PRPSAP1: variants seen among roughly 807,000 people sequenced by gnomAD.
PRPSAP1 encodes the protein phosphoribosyl pyrophosphate synthetase associated protein 1.
A neutral mutation model predicts 39.4 loss-of-function variants in PRPSAP1; 31 were observed. The observed-to-expected ratio is 0.79, with a 90% CI of 0.59 to 1.06. The LOEUF (loss-of-function observed/expected upper bound fraction) is 1.06. Ranked by LOEUF, PRPSAP1 falls within the 50% of genes least tolerant of loss-of-function variation. PRPSAP1 has a pLI of 0.00. For synonymous variants in PRPSAP1, 212 were observed against 192.6 expected, an observed-to-expected ratio of 1.10 and a Z score of -0.83; for missense variants, 430 against 511.6, an observed-to-expected ratio of 0.84 and a Z score of 1.54.
chr17:76,352,442 GA>G (rs1352259655), intron 1 of PRPSAP1, among the ~76,000 whole-genome samples: 1 of 151,930 alleles, frequency 6.6e-6, no homozygotes, highest in Non-Finnish European at 1.5e-5. Context: ...TCAGAAGATC[GA>G]AACCATCCTG....
chr17:76,353,606 GC>G lies in PRPSAP1; in HGVS notation c.97del (p.Ala33LeufsTer48), dbSNP rs779937859. On this transcript the variant is annotated frameshift_variant, in exon 1 of 10. Coordinates refer to ENST00000446526, the MANE Select transcript of PRPSAP1 (RefSeq NM_002766.3). LOFTEE classifies it high-confidence loss of function. ...RPVPPPAMNA[A>X]RTGYRVFSAN... ...CGAGAAGACTCGGTAGCCGGTGCGA[GC>G]GGCGTTCATGGCCGGCGGGGGAACG... 1.8e-4 allele frequency: 280 copies of G among 1,558,594 alleles called. No homozygotes were observed. Among genetic ancestry groups the G allele is most frequent in the Non-Finnish European group, 1.9e-4 (219 of 1,157,558 alleles).
Position 76,310,907 on chromosome 17 carries a change from C to A in PRPSAP1, c.*635G>T, listed in dbSNP as rs2071064180. On this transcript the variant is annotated 3_prime_UTR_variant, in exon 10 of 10. Coordinates refer to ENST00000446526, the MANE Select transcript of PRPSAP1 (RefSeq NM_002766.3). ...ACTGCTGTTCTGTATCCATGGTCTT[C>A]TGCTGTCTAATGAAAAGACTAGCAA... 1 of 152,044 alleles carries A rather than the reference C, an allele frequency of 6.6e-6. No homozygotes were observed. Among genetic ancestry groups the A allele is most frequent in the Admixed American group, 6.6e-5 (1 of 15,232 alleles). 9.4% of individuals were successfully genotyped at this position (152,044 alleles called of 1,614,324 possible).
intron 1 of PRPSAP1, among the ~76,000 whole-genome samples, chr17:76,349,804 G>T (rs572646874): frequency 6.6e-6 from 1 of 152,100 alleles, no homozygotes; most frequent in East Asian, 1.9e-4. Flanking sequence ...TCTCCAGCCA[G>T]GCCAGGCGCA....
intron 3 of PRPSAP1, among the ~76,000 whole-genome samples, chr17:76,343,996 G>A (rs571254937): frequency 6.6e-6 from 1 of 152,202 alleles, no homozygotes; most frequent in Non-Finnish European, 1.5e-5. Flanking sequence ...TGTCGCCCAG[G>A]CTAGAGTGCA....
In PRPSAP1 at chr17:76,344,667, T is replaced by C. The variant is rs761771020; in HGVS notation, c.290+4A>G. On this transcript the variant is annotated splice_donor_region_variant and intron_variant, in intron 3 of 9. Transcript: ENST00000446526. The stretch of plus-strand genomic sequence containing the variant: ...AAAAGAGATAAAGTAGTCAGTCCTC[T>C]TACCTGGGTATTGTCTGTATAATGA... 13 of 1,553,312 alleles carry C rather than the reference T, an allele frequency of 8.4e-6. No homozygotes were observed. Among genetic ancestry groups the C allele is most frequent in the African/African-American group, 1.4e-5 (1 of 72,266 alleles).
chr17:76,345,751 C>T (rs1045251731), intron 2 of PRPSAP1: 6 of 225,740 alleles, frequency 2.7e-5, no homozygotes, highest in Admixed American at 5.4e-5. Context: ...GAAGAGGAAG[C>T]GAGAATGACC....
intron 3 of PRPSAP1, among the ~76,000 whole-genome samples, chr17:76,338,389 T>C (rs536052821): frequency 6.6e-6 from 1 of 152,270 alleles, no homozygotes; most frequent in East Asian, 1.9e-4. Flanking sequence ...TATTCCTTCA[T>C]CTATGTAACC....
chr17:76,314,057 C>T, intron 7 of PRPSAP1, 166 bp from the exon 8 acceptor site: 1 of 658,204 alleles, frequency 1.5e-6, no homozygotes, highest in Non-Finnish European at 2.6e-6. Flanking sequence ...TCAGAAACAG[C>T]AGCATTGGCC....
chr17:76,347,505 A>G (rs948036219), intron 2 of PRPSAP1, among the ~76,000 whole-genome samples: 4 of 150,240 alleles, frequency 2.7e-5, no homozygotes, highest in African/African-American at 9.8e-5. Context: ...AAAAAAAAAA[A>G]AAAAAAAGAA....
chr17:76,321,012 G>A (rs143808129), intron 7 of PRPSAP1, among the ~76,000 whole-genome samples: 3 of 151,796 alleles, frequency 2.0e-5, no homozygotes, highest in Non-Finnish European at 2.9e-5. Context: ...CGAACTCCTG[G>A]GCTCAACTGA....
chr17:76,327,776 T>G (rs1322736512), intron 7 of PRPSAP1, among the ~76,000 whole-genome samples: 2 of 152,166 alleles, frequency 1.3e-5, no homozygotes, highest in African/African-American at 4.8e-5. Context: ...ACATACAACT[T>G]TTTTACTGAA....
chr17:76,346,656 C>T (rs910121648), intron 2 of PRPSAP1, among the ~76,000 whole-genome samples: 4 of 152,198 alleles, frequency 2.6e-5, no homozygotes, highest in African/African-American at 7.2e-5. Flanking sequence ...AAGTCAGGGT[C>T]AGCTTGTGAA....
intron 1 of PRPSAP1, among the ~76,000 whole-genome samples, chr17:76,350,736 A>G (rs377298311): frequency 3.3e-4 from 50 of 152,170 alleles, no homozygotes; most frequent in African/African-American, 1.1e-3. Context: ...ACACTTAAAA[A>G]TGGTTAAAAA....
intron 7 of PRPSAP1, 119 bp from the exon 8 acceptor site, chr17:76,314,010 A>C (rs2071095403): frequency 1.9e-6 from 2 of 1,041,210 alleles, no homozygotes; most frequent in African/African-American, 1.6e-5. Context: ...AAAACAAACA[A>C]ACCATGCAAA....
At chr17:76,342,232 A>T (rs1397257319) in intron 3 of PRPSAP1, among the ~76,000 whole-genome samples, 1 of 152,090 alleles carries the variant, frequency 6.6e-6, no homozygotes, top group Non-Finnish European at 1.5e-5. Flanking sequence ...GACACACAAG[A>T]GACTGAATAA....
intron 3 of PRPSAP1, among the ~76,000 whole-genome samples, chr17:76,336,099 A>C (rs1176905391): frequency 1.3e-5 from 2 of 152,260 alleles, no homozygotes; most frequent in African/African-American, 2.4e-5. Flanking sequence ...TTAATGAACA[A>C]GATAAACAAT....
chr17:76,320,597 T>A (rs2071186132), intron 7 of PRPSAP1, among the ~76,000 whole-genome samples: 1 of 150,316 alleles, frequency 6.7e-6, no homozygotes, highest in South Asian at 2.1e-4. Context: ...GCTAATTTTT[T>A]TTTTTTTTTG....
rs367819119 is a variant in PRPSAP1, at chr17:76,344,643, A to G, written c.290+28T>C. The G allele has an allele frequency of 8.2e-6, 12 of 1,461,548 alleles. No homozygotes were observed. In the African/African-American group the frequency reaches 1.3e-4, roughly 16 times the overall value. 90.5% of individuals were successfully genotyped at this position (1,461,548 alleles called of 1,614,324 possible). A position where few individuals can be genotyped will look rare whatever the true frequency, so the allele number is the denominator to read the frequency against. Reference sequence around the variant, plus strand: ...ATTATATTGTTAAGGTTTTTACAGAAAAGAGATAAAGTAGTCAGTCCTCTT... The same window carrying G: ...ATTATATTGTTAAGGTTTTTACAGAGAAGAGATAAAGTAGTCAGTCCTCTT... On this transcript the variant is annotated intron_variant, in intron 3 of 9. Transcript: ENST00000446526.
At chr17:76,316,479 CAG>C (rs1355478954) in intron 7 of PRPSAP1, among the ~76,000 whole-genome samples, 1 of 152,118 alleles carries the variant, frequency 6.6e-6, no homozygotes, top group Non-Finnish European at 1.5e-5. Context: ...TGCCACAAAA[CAG>C]AGACAGACTT....
Sources: allele counts gnomAD v4.1 joint callset (sites outside exome capture counted in the v4.1 genomes callset), GRCh38; gene constraint gnomAD v4.1.1; transcripts MANE v1.5; gene names NCBI Gene and HGNC (gene_info 2026-07-23, HGNC 2026-07-21).